VCL: variants seen among roughly 807,000 people sequenced by gnomAD.
VCL encodes the protein epididymis luminal protein 114.
A neutral mutation model predicts 125.7 loss-of-function variants in VCL; 47 were observed. The observed-to-expected ratio is 0.37, with a 90% CI of 0.30 to 0.48. VCL has a LOEUF of 0.48. VCL is among the 20% of genes least tolerant of loss of function. VCL has a pLI of 0.99. For synonymous variants in VCL, 458 were observed against 514.6 expected (o/e 0.89, Z 1.49); for missense variants, 1,069 against 1,455.5 (o/e 0.73, Z 4.32).
chr10:74,002,768 G>T (rs1840252041), intron 1 of VCL, among the ~76,000 whole-genome samples: 2 of 151,318 alleles, frequency 1.3e-5, no homozygotes, highest in South Asian at 4.2e-4. Context: ...TGTAGTCCCA[G>T]CTACTCGGGA....
intron 19 of VCL, among the ~76,000 whole-genome samples, chr10:74,112,509 C>T (rs1327479709): frequency 1.3e-5 from 2 of 152,160 alleles, no homozygotes; most frequent in African/African-American, 4.8e-5. Flanking sequence ...CCAACTGACC[C>T]CTCACTGATG....
chr10:74,023,758 C>G (rs1047539374), intron 1 of VCL, among the ~76,000 whole-genome samples: 1 of 152,210 alleles, frequency 6.6e-6, no homozygotes, highest in Non-Finnish European at 1.5e-5. Flanking sequence ...TGTGTCTAAT[C>G]TATTAATGTT....
chr10:74,081,850 G>GA lies in VCL; in HGVS notation c.784-600dup, dbSNP rs1170414505. 4.6e-5 allele frequency among the ~76,000 whole-genome samples: 7 copies of GA among 152,288 alleles called. No individual in the cohort carries two copies. The South Asian group carries it at 1.5e-3, about 32-fold the overall frequency. On this transcript the variant is annotated intron_variant, in intron 6 of 21. Transcript: ENST00000211998. ...GAAGGAGGAATAGCAGGGAAGGTCAGAAAACACTTCTAAATTATATTACTT... is the reference window on the plus strand; with the variant it reads ...GAAGGAGGAATAGCAGGGAAGGTCAGAAAAACACTTCTAAATTATATTACTT...
intron 1 of VCL, among the ~76,000 whole-genome samples, chr10:74,026,840 C>A (rs557999580): frequency 1.9e-4 from 29 of 152,258 alleles, no homozygotes; most frequent in Non-Finnish European, 1.3e-4. Flanking sequence ...TTCCACTATT[C>A]CATTACCTTC....
intron 1 of VCL, among the ~76,000 whole-genome samples, chr10:74,022,762 T>G (rs1840697605): frequency 1.3e-5 from 2 of 151,016 alleles, no homozygotes; most frequent in South Asian, 4.2e-4. Flanking sequence ...TCAGCCTCCC[T>G]AGTAGCTGGG....
intron 1 of VCL, among the ~76,000 whole-genome samples, chr10:74,016,237 C>G (rs1049439712): frequency 6.6e-6 from 1 of 152,070 alleles, no homozygotes; most frequent in Non-Finnish European, 1.5e-5. Flanking sequence ...ATTGTCATTT[C>G]TTGTTGTTCG....
chr10:74,013,741 ATGT>A (rs1385744178), intron 1 of VCL, among the ~76,000 whole-genome samples: 1 of 152,158 alleles, frequency 6.6e-6, no homozygotes, highest in African/African-American at 2.4e-5. Context: ...CTGGCTGATA[ATGT>A]TGTTGTTGTG....
At position 73,998,126 on chromosome 10, in the gene VCL, C is replaced by A. The variant is rs1840149156; in HGVS notation, c.-82C>A. On this transcript the variant is annotated 5_prime_UTR_variant, in exon 1 of 22. Coordinates refer to ENST00000211998, the MANE Select transcript of VCL (RefSeq NM_014000.3). ...AAGCCCCGACTCCGTAGTCGCTGCACAGTCTGTCTCTTCGCCGGTTCCCGG... is the reference window on the plus strand; with the variant it reads ...AAGCCCCGACTCCGTAGTCGCTGCAAAGTCTGTCTCTTCGCCGGTTCCCGG... The A allele has an allele frequency of 6.4e-7, 1 of 1,560,314 alleles. No homozygotes were observed. Among genetic ancestry groups the A allele is most frequent in the Non-Finnish European group, 8.7e-7 (1 of 1,153,548 alleles).
intron 1 of VCL, among the ~76,000 whole-genome samples, chr10:74,003,319 A>G (rs968552994): frequency 6.6e-6 from 1 of 152,172 alleles, no homozygotes; most frequent in African/African-American, 2.4e-5. Flanking sequence ...GAAGGGTGGG[A>G]AAGGAAAAAT....
intron 8 of VCL, among the ~76,000 whole-genome samples, chr10:74,084,406 C>T (rs1027201951): frequency 3.9e-5 from 6 of 152,052 alleles, no homozygotes. Flanking sequence ...ATTCTCCTGC[C>T]TTAACCTCCC....
chr10:74,038,912 T>A (rs565195820), intron 1 of VCL, among the ~76,000 whole-genome samples: 229 of 152,194 alleles, frequency 1.5e-3, no homozygotes, highest in African/African-American at 5.1e-3. Flanking sequence ...TTTTTTTTTT[T>A]ATTTTTTCCT....
rs547179130 is a variant in VCL at position 74,081,652 on chromosome 10, CTT to C, written c.784-801_784-800del. On this transcript the variant is annotated intron_variant, in intron 6 of 21. Coordinates refer to ENST00000211998, the MANE Select transcript of VCL (RefSeq NM_014000.3). ...GTGTTTAAAAAAATTTACGGAAATA[CTT>C]AAATACATTTAAAGTGATTAGTCTG... Among the ~76,000 whole-genome samples, 323 of 152,268 alleles carry C rather than the reference CTT, an allele frequency of 2.1e-3. 1 individual carries two copies. The highest frequency in any genetic ancestry group is 0.017 in the Middle Eastern group (5 of 294).
At chr10:74,001,409 C>G (rs995513870) in intron 1 of VCL, among the ~76,000 whole-genome samples, 12 of 152,168 alleles carry the variant, frequency 7.9e-5, no homozygotes, top group Non-Finnish European at 1.6e-4. Context: ...AAGCAATCCT[C>G]CCGCCTTGGC....
rs1208537301 is a variant in VCL, at chr10:74,082,500, T to C, written c.830T>C (p.Leu277Pro). 2 of 1,614,080 alleles carry C rather than the reference T, an allele frequency of 1.2e-6. No homozygotes were observed. Among genetic ancestry groups the C allele is most frequent in the Non-Finnish European group, 1.7e-6 (2 of 1,180,046 alleles). ...GCATTGGCCTCCATAGACTCCAAAC[T>C]GAACCAGGCCAAAGGTTGGCTCCGT... Reference protein sequence around the residue: ...KRALASIDSKLNQAKGWLRDP... With the variant: ...KRALASIDSKPNQAKGWLRDP... The change falls in exon 7 of 22, where the codon CTG becomes CCG. Residue 277 changes from leucine (L) to proline (P), a missense_variant. By Grantham distance (98) the Leu-to-Pro change is moderately conservative. This residue lies in a region of VCL where 760 missense variants were observed against 928.9 expected (regional missense o/e 0.82). Coordinates refer to ENST00000211998, the MANE Select transcript of VCL (RefSeq NM_014000.3).
chr10:74,005,685 G>A (rs909769461), intron 1 of VCL, among the ~76,000 whole-genome samples: 6 of 152,160 alleles, frequency 3.9e-5, no homozygotes, highest in South Asian at 4.1e-4. Context: ...AACCCCCCTC[G>A]GATACCAAAA....
Position 74,119,215 on chromosome 10 carries a change from G to A in VCL, c.*1046G>A, listed in dbSNP as rs927833917. The A allele has an allele frequency of 6.6e-6, 1 of 152,636 alleles. No individual in the cohort carries two copies. Among genetic ancestry groups the A allele is most frequent in the Non-Finnish European group, 1.5e-5 (1 of 68,038 alleles). The allele number at this position is 152,636 out of a possible 1,614,324, so 9.5% of individuals were successfully genotyped here. A position where few individuals can be genotyped will look rare whatever the true frequency, so the allele number is the denominator to read the frequency against. On this transcript the variant is annotated 3_prime_UTR_variant, in exon 22 of 22. Transcript: ENST00000211998. Reference sequence around the variant, plus strand: ...TTTCTAAACAAGATTTTAAAGACATGTAGGTGTTTGTTCATCTGTAACTCT... The same window carrying A: ...TTTCTAAACAAGATTTTAAAGACATATAGGTGTTTGTTCATCTGTAACTCT...
chr10:74,027,646 A>AG, intron 1 of VCL: 1 of 70,912 alleles, frequency 1.4e-5, no homozygotes, highest in East Asian at 2.0e-4. Flanking sequence ...ACTGTCTCAA[A>AG]AAAAAAAAAA....
chr10:74,054,323 T>C (rs537255041), intron 2 of VCL, among the ~76,000 whole-genome samples: 1 of 152,348 alleles, frequency 6.6e-6, no homozygotes, highest in African/African-American at 2.4e-5. Context: ...GTTAGGTGGT[T>C]ACAAGTTTGT....
chr10:74,036,345 G>A (rs1162108198), intron 1 of VCL, among the ~76,000 whole-genome samples: 1 of 152,022 alleles, frequency 6.6e-6, no homozygotes, highest in Non-Finnish European at 1.5e-5. Flanking sequence ...TGGGATTACA[G>A]GCGCCCACCA....
Sources: gnomAD v4.1 joint callset for allele counts (sites outside exome capture counted in the v4.1 genomes callset) on GRCh38, gnomAD v4.1.1 for gene constraint, gnomAD v4.1.1 regional missense constraint, MANE v1.5 for transcripts, NCBI Gene and HGNC (gene_info 2026-07-23, HGNC 2026-07-21) for gene names.